The following HEATR9 variants were observed in gnomAD, a reference collection of about 807,000 sequenced individuals.
HEATR9 encodes protein HEATR9.
HEATR9 carries 54 observed loss-of-function variants against 68.2 expected under a neutral mutation model. The ratio of observed to expected loss-of-function variants is 0.79; its 90% CI spans 0.64 to 0.99. The LOEUF is 0.99. Among genes scored for constraint, HEATR9 ranks in the 50% least tolerant of loss-of-function variants. The pLI is 0.00. For missense variants in HEATR9, 662 were observed against 679.7 expected, an observed-to-expected ratio of 0.97 and a Z score of 0.29; for synonymous variants, 241 against 253.5, an observed-to-expected ratio of 0.95 and a Z score of 0.47.
At chr17:35,856,351 C>G in intron 12 of HEATR9, 127 bp from the exon 13 acceptor site, 1 of 1,600,968 alleles carries the variant, frequency 6.2e-7, no homozygotes, top group Non-Finnish European at 8.5e-7. Context: ...ATTTCCTTCT[C>G]TTGTTTCTTG....
At chr17:35,866,125 C>G (rs1423521688) in intron 2 of HEATR9, among the ~76,000 whole-genome samples, 2 of 151,984 alleles carry the variant, frequency 1.3e-5, no homozygotes, top group Admixed American at 1.3e-4. Context: ...GGGGCTTCAG[C>G]TGTGGTTCCC....
At chr17:35,857,962 G>A (rs114593786) in intron 11 of HEATR9, among the ~76,000 whole-genome samples, 78 of 152,168 alleles carry the variant, frequency 5.1e-4, no homozygotes, top group African/African-American at 1.7e-3. Flanking sequence ...TTACTGGTGC[G>A]AGTGAATAGT....
intron 8 of HEATR9, among the ~76,000 whole-genome samples, chr17:35,860,283 TC>T (rs1336084122): frequency 2.0e-5 from 3 of 146,610 alleles, no homozygotes; most frequent in Admixed American, 6.8e-5. Context: ...TCCCAGCTAC[TC>T]GGGAGGCTGA....
intron 7 of HEATR9, 83 bp from the exon 8 acceptor site, chr17:35,863,208 A>T: frequency 6.4e-6 from 10 of 1,572,102 alleles, no homozygotes; most frequent in Non-Finnish European, 7.8e-6. Context: ...CCACTGTGCC[A>T]TCGAGACCTA....
At position 35,856,173 on chromosome 17, in the gene HEATR9, C is replaced by T. The variant is rs754656402; in HGVS notation, c.1278G>A (p.Leu426=). Residue 426 remains leucine, a splice_region_variant and synonymous_variant, in exon 13 of 15, where the codon TTG becomes TTA. Coordinates refer to ENST00000604834, the MANE Select transcript of HEATR9 (RefSeq NM_152781.4). Reference sequence around the variant, plus strand: ...GTCAGAGAAGCAGAGCCTGCCTTACCAAAGAGATGACTGCTTCCTGGCGTG... The same window carrying T: ...GTCAGAGAAGCAGAGCCTGCCTTACTAAAGAGATGACTGCTTCCTGGCGTG... The part of the protein sequence containing the change: ...ATARQEAVIS[L]GVLGIRSPQV... 7 of 1,613,894 alleles carry T rather than the reference C, an allele frequency of 4.3e-6. No homozygotes were observed. The highest frequency in any genetic ancestry group is 5.9e-6 in the Non-Finnish European group (7 of 1,179,954).
Position 35,858,257 on chromosome 17 carries a change from C to T in HEATR9, c.1095G>A (p.Gly365=). ...TIGLEQIQAQ[G]LEELTFNLLR... ...GCAGGTTAAATGTGAGTTCCTCTAG[C>T]CCCTGTGCCTGGATCTGTTCCAGCC... is the stretch of plus-strand genomic sequence containing the variant. The change falls in exon 11 of 15, where the codon GGG becomes GGA. Residue 365 remains glycine, a synonymous_variant. Coordinates refer to ENST00000604834, the MANE Select transcript of HEATR9 (RefSeq NM_152781.4). 1 of 1,614,100 alleles carries T rather than the reference C, an allele frequency of 6.2e-7. No homozygotes were observed. The highest frequency in any genetic ancestry group is 2.2e-5 in the East Asian group (1 of 44,876).
At chr17:35,856,317 G>A (rs2087769791) in intron 12 of HEATR9, 93 bp from the exon 13 acceptor site, 6 of 1,613,552 alleles carry the variant, frequency 3.7e-6, no homozygotes, top group Non-Finnish European at 5.1e-6. Flanking sequence ...GAGCGAATTA[G>A]GCAAAGTGAT....
intron 3 of HEATR9, 65 bp from the exon 4 acceptor site, chr17:35,864,955 C>T (rs1198848772): frequency 1.9e-6 from 3 of 1,595,230 alleles, no homozygotes; most frequent in Non-Finnish European, 2.6e-6. Context: ...GTTGCAACCT[C>T]ACTTCTGCCA....
chr17:35,863,740 G>A, intron 6 of HEATR9, 181 bp from the exon 7 acceptor site: 1 of 658,204 alleles, frequency 1.5e-6, no homozygotes, highest in Non-Finnish European at 2.6e-6. Flanking sequence ...CAATACAGTT[G>A]GGAGTTAGAT....
intron 8 of HEATR9, among the ~76,000 whole-genome samples, chr17:35,861,919 C>G (rs1044459819): frequency 6.6e-6 from 1 of 151,516 alleles, no homozygotes; most frequent in African/African-American, 2.4e-5. Context: ...AGTGCAATGG[C>G]GCGATCTTGG....
intron 12 of HEATR9, 47 bp from the exon 13 acceptor site, chr17:35,856,271 G>A: frequency 1.2e-6 from 2 of 1,613,946 alleles, no homozygotes; most frequent in Non-Finnish European, 1.7e-6. Flanking sequence ...AAGGAGTAGG[G>A]GAAGTGGAAG....
chr17:35,858,750 A>G, intron 9 of HEATR9, 138 bp downstream of exon 9: 3 of 987,452 alleles, frequency 3.0e-6, no homozygotes, highest in Non-Finnish European at 4.6e-6. Flanking sequence ...ATATGACCCC[A>G]TACTCATACA....
chr17:35,865,878 G>C (rs962143727), intron 2 of HEATR9, among the ~76,000 whole-genome samples: 1 of 152,198 alleles, frequency 6.6e-6, no homozygotes, highest in African/African-American at 2.4e-5. Context: ...GCCAGATACT[G>C]TGCTGGGTGC....
chr17:35,864,133 A>G, intron 6 of HEATR9, 113 bp downstream of exon 6: 2 of 807,638 alleles, frequency 2.5e-6, no homozygotes, highest in Non-Finnish European at 4.3e-6. Flanking sequence ...CTGTGTCCTT[A>G]CTGGATCTGA....
intron 11 of HEATR9, among the ~76,000 whole-genome samples, chr17:35,857,788 GT>G (rs2087828856): frequency 1.3e-5 from 2 of 152,048 alleles, no homozygotes; most frequent in South Asian, 2.1e-4. Context: ...ATAACACCTA[GT>G]TTTATAACAA....
At chr17:35,858,070 G>A (rs2087839883) in intron 11 of HEATR9, 130 bp downstream of exon 11, 2 of 1,308,592 alleles carry the variant, frequency 1.5e-6, no homozygotes, top group Non-Finnish European at 1.1e-6. Context: ...AAAAACCTGG[G>A]CTGCATTAGT....
chr17:35,858,782 A>G (rs1358464047), intron 9 of HEATR9, 106 bp downstream of exon 9: 1 of 1,258,232 alleles, frequency 7.9e-7, no homozygotes, highest in East Asian at 2.3e-5. Flanking sequence ...ATAAGCACAC[A>G]GAGGATCCTG....
At chr17:35,855,806 A>G in intron 13 of HEATR9, 56 bp from the exon 14 acceptor site, 1 of 1,406,140 alleles carries the variant, frequency 7.1e-7, no homozygotes, top group South Asian at 1.2e-5. Context: ...GACACCTTAT[A>G]CTCTTTCCCA....
intron 11 of HEATR9, 48 bp downstream of exon 11, chr17:35,858,150 AAG>A: frequency 6.2e-7 from 1 of 1,612,624 alleles, no homozygotes; most frequent in South Asian, 1.1e-5. Flanking sequence ...GAACACGGAA[AAG>A]AGAAAGGTTT....
Sources: gnomAD v4.1 joint callset for allele counts (sites outside exome capture counted in the v4.1 genomes callset) on GRCh38, gnomAD v4.1.1 for gene constraint, MANE v1.5 for transcripts, NCBI Gene and HGNC (gene_info 2026-07-23, HGNC 2026-07-21) for gene names.